The following SNX30 variants were observed in gnomAD, a reference collection of about 807,000 sequenced individuals.
The protein encoded by SNX30 is sorting nexin-30.
SNX30 carries 24 observed loss-of-function variants against 46.4 expected under a neutral mutation model. The observed-to-expected ratio is 0.52, with a 90% CI of 0.37 to 0.73. The LOEUF (loss-of-function observed/expected upper bound fraction) is 0.73. SNX30 is among the 30% of genes least tolerant of loss of function. SNX30 has a pLI of 0.00. For synonymous variants in SNX30, 189 were observed against 211.5 expected (o/e 0.89, Z 0.92); for missense variants, 533 against 555.7 (o/e 0.96, Z 0.41).
chr9:112,813,815 A>G (rs1221924476), intron 2 of SNX30, among the ~76,000 whole-genome samples: 1 of 152,172 alleles, frequency 6.6e-6, no homozygotes, highest in Non-Finnish European at 1.5e-5. Context: ...TTACCAACAA[A>G]ATTACTGACA....
intron 2 of SNX30, among the ~76,000 whole-genome samples, chr9:112,816,678 ACT>A (rs1840400072): frequency 6.6e-6 from 1 of 152,030 alleles, no homozygotes; most frequent in Admixed American, 6.5e-5. Flanking sequence ...TTGATGAATG[ACT>A]CTCGTTCATG....
chr9:112,882,387 G>A (rs1331473776), downstream of SNX30, among the ~76,000 whole-genome samples: 3 of 152,172 alleles, frequency 2.0e-5, no homozygotes, highest in African/African-American at 7.2e-5. Flanking sequence ...GATTACAGGT[G>A]TGAGCCACTG....
At chr9:112,883,753 A>G (rs1430619184), downstream of SNX30, among the ~76,000 whole-genome samples, 1 of 145,126 alleles carries the variant, frequency 6.9e-6, no homozygotes, top group Non-Finnish European at 1.5e-5. Context: ...GCTGGAGTGC[A>G]GTGGCACGAT....
chr9:112,840,704 C>T (rs1158858195), intron 6 of SNX30, among the ~76,000 whole-genome samples: 1 of 152,092 alleles, frequency 6.6e-6, no homozygotes, highest in African/African-American at 2.4e-5. Context: ...CACCCTTGAT[C>T]TCCTGACCTT....
chr9:112,813,966 T>A (rs4978503), intron 2 of SNX30, among the ~76,000 whole-genome samples: 91,058 of 152,052 alleles, frequency 0.6, 27,574 homozygotes, highest in South Asian at 0.76. Flanking sequence ...AGACATTATT[T>A]TCCAATGGTA....
At chr9:112,797,691 CTTCT>C (rs1840128631) in intron 1 of SNX30, among the ~76,000 whole-genome samples, 1 of 144,102 alleles carries the variant, frequency 6.9e-6, no homozygotes, top group Non-Finnish European at 1.5e-5. Context: ...TGCGCTCTCT[CTTCT>C]TTTCTTTTTC....
chr9:112,805,703 A>G (rs915353030), intron 2 of SNX30, among the ~76,000 whole-genome samples: 1 of 152,204 alleles, frequency 6.6e-6, no homozygotes, highest in Middle Eastern at 3.2e-3. Flanking sequence ...TCCTGACCTC[A>G]GATGATCCAC....
chr9:112,775,306 C>G (rs1376538144), intron 1 of SNX30, among the ~76,000 whole-genome samples: 2 of 151,782 alleles, frequency 1.3e-5, no homozygotes, highest in African/African-American at 4.8e-5. Flanking sequence ...CAGGCATGCA[C>G]CACCACACTT....
At chr9:112,881,367 A>G (rs952315778) in intron 5 of SNX30, 4 of 152,246 alleles carry the variant, frequency 2.6e-5, no homozygotes, top group African/African-American at 7.2e-5. Context: ...CCCGCCTTCT[A>G]TGAGTGCTAG....
intron 4 of SNX30, among the ~76,000 whole-genome samples, chr9:112,832,461 T>A (rs61512320): frequency 0.49 from 40,155 of 81,238 alleles, 7,567 homozygotes; most frequent in South Asian, 0.55. Context: ...AGAGAGAGAG[T>A]GTGTGTGTGT....
At chr9:112,828,517 A>G (rs1281365733) in intron 3 of SNX30, among the ~76,000 whole-genome samples, 1 of 151,974 alleles carries the variant, frequency 6.6e-6, no homozygotes, top group Non-Finnish European at 1.5e-5. Flanking sequence ...TATTTTTTAT[A>G]AAGTTAAACA....
Position 112,870,612 on chromosome 9 carries a change from T to A in SNX30, c.*1769T>A, listed in dbSNP as rs1459095697. Reference sequence around the variant, plus strand: ...TTTGGTACAGTTAGAAATGACTCATTGATGCGGACAGGTAAGAACAACCCA... The same window carrying A: ...TTTGGTACAGTTAGAAATGACTCATAGATGCGGACAGGTAAGAACAACCCA... On this transcript the variant is annotated 3_prime_UTR_variant, in exon 9 of 9. Transcript: ENST00000374232. 1 of 152,304 alleles carries A rather than the reference T, an allele frequency of 6.6e-6. No homozygotes were observed. The highest frequency in any genetic ancestry group is 1.5e-5 in the Non-Finnish European group (1 of 68,080). The allele number at this position is 152,304 out of a possible 1,614,324, so 9.4% of individuals were successfully genotyped here.
chr9:112,804,844 C>G lies in SNX30; in HGVS notation c.225C>G (p.Leu75=). ...GTCCAGCTTCTTCATCTTCCCTTCTCAACAGACTTCAGCTTGATGATGATA... is the reference window on the plus strand; with the variant it reads ...GTCCAGCTTCTTCATCTTCCCTTCTGAACAGACTTCAGCTTGATGATGATA... ...TSSPASSSSL[L]NRLQLDDDID... Residue 75 remains leucine, a synonymous_variant, in exon 2 of 9, where the codon CTC becomes CTG. Transcript: ENST00000374232. The G allele has an allele frequency of 6.2e-7, 1 of 1,614,048 alleles. No individual in the cohort carries two copies.
At position 112,831,004 on chromosome 9, in the gene SNX30, G is replaced by A. The variant is rs899602801; in HGVS notation, c.618+121G>A. ...CTTTTAACAAATAGCCGAGTGTGAT[G>A]TTGTGCGCCTGTAGTCCCAGCTACC... On this transcript the variant is annotated intron_variant, in intron 4 of 8. Transcript: ENST00000374232. 4.8e-6 allele frequency: 5 copies of A among 1,032,940 alleles called. No homozygotes were observed. In the African/African-American group the frequency reaches 8.1e-5, roughly 17 times the overall value. 64.0% of individuals were successfully genotyped at this position (1,032,940 alleles called of 1,614,324 possible). A position where few individuals can be genotyped will look rare whatever the true frequency, so the allele number is the denominator to read the frequency against.
chr9:112,752,828 G>T (rs554357499), intron 1 of SNX30, among the ~76,000 whole-genome samples: 2 of 152,298 alleles, frequency 1.3e-5, no homozygotes, highest in South Asian at 2.1e-4. Context: ...TCTTGAGGTT[G>T]CAGTCAAGTT....
chr9:112,751,114 C>T lies in SNX30; in HGVS notation c.113C>T (p.Thr38Met). 4 of 1,520,316 alleles carry T rather than the reference C, an allele frequency of 2.6e-6. No individual in the cohort carries two copies. The highest frequency in any genetic ancestry group is 3.5e-6 in the Non-Finnish European group (4 of 1,142,634). The allele number at this position is 1,520,316 out of a possible 1,614,324, so 94.2% of individuals were successfully genotyped here. A position where few individuals can be genotyped will look rare whatever the true frequency, so the allele number is the denominator to read the frequency against. Residue 38 changes from threonine (T) to methionine (M), a missense_variant, in exon 1 of 9, where the codon ACG becomes ATG. By Grantham distance (81) the Thr-to-Met change is moderately conservative. Transcript: ENST00000374232. Reference sequence around the variant, plus strand: ...GAGGAGGCCGTGGGTGGTGACAGCACGCCCAGCCCGGACCTGCTGATGGCC... The same window carrying T: ...GAGGAGGCCGTGGGTGGTGACAGCATGCCCAGCCCGGACCTGCTGATGGCC... ...SSEEAVGGDS[T>M]PSPDLLMARS...
chr9:112,751,464 C>A (rs1025313786), intron 1 of SNX30, among the ~76,000 whole-genome samples: 1 of 152,190 alleles, frequency 6.6e-6, no homozygotes, highest in African/African-American at 2.4e-5. Flanking sequence ...CCTGTGTCCT[C>A]GGATGGGGTT....
chr9:112,850,326 ATC>A (rs1487152640), intron 6 of SNX30, among the ~76,000 whole-genome samples: 2 of 152,340 alleles, frequency 1.3e-5, no homozygotes, highest in Non-Finnish European at 2.9e-5. Flanking sequence ...TAGGGAGTGC[ATC>A]TCTCTGCTCT....
chr9:112,797,854 G>A (rs4979155), intron 1 of SNX30, among the ~76,000 whole-genome samples: 136,728 of 146,534 alleles, frequency 0.93, 63,876 homozygotes, highest in East Asian at 1. Context: ...GCACGCCACC[G>A]TGCCCAGCTA....
Sources: allele counts gnomAD v4.1 joint callset (sites outside exome capture counted in the v4.1 genomes callset), GRCh38; gene constraint gnomAD v4.1.1; transcripts MANE v1.5; gene names NCBI Gene and HGNC (gene_info 2026-07-23, HGNC 2026-07-21).